ADAM29: variants seen among roughly 807,000 people sequenced by gnomAD.
ADAM29 encodes ADAM metallopeptidase domain 29.
For missense variants in ADAM29, 969 were observed against 1,001.8 expected (o/e 0.97, Z 0.44); for synonymous variants, 367 against 342.3 (o/e 1.07, Z -0.80).
chr4:174,921,442 A>G (rs1743159693), intron 2 of ADAM29, among the ~76,000 whole-genome samples: 1 of 152,168 alleles, frequency 6.6e-6, no homozygotes, highest in Admixed American at 6.6e-5. Flanking sequence ...GCATGGTGCC[A>G]AAGAATTATA....
intron 4 of ADAM29, 60 bp downstream of exon 4, chr4:174,937,073 T>C (rs1744245992): frequency 6.6e-6 from 1 of 152,014 alleles, no homozygotes; most frequent in Non-Finnish European, 1.5e-5. Flanking sequence ...TCTATCACAA[T>C]AAAACACACA....
intron 2 of ADAM29, among the ~76,000 whole-genome samples, chr4:174,925,472 T>A (rs1743463903): frequency 6.6e-6 from 1 of 152,156 alleles, no homozygotes; most frequent in African/African-American, 2.4e-5. Flanking sequence ...CATGCCTCCA[T>A]GGCTAAGACA....
At chr4:174,919,402 T>G (rs1578994330) in intron 1 of ADAM29, among the ~76,000 whole-genome samples, 1 of 152,218 alleles carries the variant, frequency 6.6e-6, no homozygotes, top group South Asian at 2.1e-4. Flanking sequence ...TAGCACAGAG[T>G]TAGGCGCAAA....
Position 174,975,958 on chromosome 4 carries a change from T to C in ADAM29, c.433T>C (p.Phe145Leu), listed in dbSNP as rs753394836. ...CAAGCCCCTAGCATTTTCTACCACG[T>C]TTGAACATCTGGTATACAAGATGGA... The part of the protein sequence containing the change: ...EIKPLAFSTT[F>L]EHLVYKMDSE... The change falls in exon 5 of 5, where the codon TTT becomes CTT. Residue 145 changes from phenylalanine (F) to leucine (L), a missense_variant. Physicochemically the swap from Phe to Leu is conservative, Grantham distance 22. Coordinates refer to ENST00000359240, the MANE Select transcript of ADAM29 (RefSeq NM_014269.4). 6.2e-7 allele frequency: 1 copy of C among 1,614,084 alleles called. No homozygotes were observed. The highest frequency in any genetic ancestry group is 8.5e-7 in the Non-Finnish European group (1 of 1,179,996).
At chr4:174,945,460 T>C (rs1016646677) in intron 4 of ADAM29, among the ~76,000 whole-genome samples, 4 of 152,186 alleles carry the variant, frequency 2.6e-5, no homozygotes, top group Admixed American at 2.6e-4. Flanking sequence ...AAAAATTTAC[T>C]TTGTTGATAG....
At chr4:174,948,412 C>T (rs139719261) in intron 4 of ADAM29, among the ~76,000 whole-genome samples, 5 of 152,170 alleles carry the variant, frequency 3.3e-5, no homozygotes, top group African/African-American at 7.2e-5. Flanking sequence ...ACTTCACTTC[C>T]GGAGGATTTT....
chr4:174,941,853 TA>T (rs111490877), intron 4 of ADAM29, among the ~76,000 whole-genome samples: 14 of 151,756 alleles, frequency 9.2e-5, no homozygotes, highest in African/African-American at 3.1e-4. Context: ...TCACCTGTGA[TA>T]AAAAAAAGTC....
In ADAM29 at chr4:174,976,119, G is replaced by C; in HGVS notation, c.594G>C (p.Arg198Ser). ...SSYVGWWIHF[R>S]IVEIVVVIDN... ...ATGTGGGCTGGTGGATCCATTTTAG[G>C]ATTGTTGAAATTGTAGTCGTCATTG... The change falls in exon 5 of 5, where the codon AGG (arginine) becomes AGC (serine). Residue 198 changes from arginine to serine, a missense_variant. Transcript: ENST00000359240. 1 of 1,613,086 alleles carries C rather than the reference G, an allele frequency of 6.2e-7. No homozygotes were observed. Among genetic ancestry groups the C allele is most frequent in the Admixed American group, 1.7e-5 (1 of 59,948 alleles).
intron 3 of ADAM29, among the ~76,000 whole-genome samples, chr4:174,931,838 G>A (rs201207302): frequency 9.6e-5 from 14 of 146,544 alleles, no homozygotes; most frequent in East Asian, 6.7e-4. Flanking sequence ...ACACACACAA[G>A]CACACATACA....
chr4:174,974,792 A>C (rs900979114), intron 4 of ADAM29, among the ~76,000 whole-genome samples: 3 of 152,224 alleles, frequency 2.0e-5, no homozygotes, highest in Non-Finnish European at 1.5e-5. Context: ...GAGAAGAGGA[A>C]GTTAGCGAAG....
chr4:174,955,626 G>T (rs1357015774), intron 4 of ADAM29, among the ~76,000 whole-genome samples: 1 of 150,638 alleles, frequency 6.6e-6, no homozygotes, highest in Non-Finnish European at 1.5e-5. Flanking sequence ...CTCAAAATTT[G>T]TTATGCATTG....
chr4:174,974,806 CAG>C (rs1251273600), intron 4 of ADAM29, among the ~76,000 whole-genome samples: 1 of 152,000 alleles, frequency 6.6e-6, no homozygotes, highest in East Asian at 1.9e-4. Context: ...AGCGAAGAAA[CAG>C]AAAATTAAAT....
chr4:174,935,302 C>G (rs2110948896), intron 3 of ADAM29, among the ~76,000 whole-genome samples: 1 of 152,002 alleles, frequency 6.6e-6, no homozygotes, highest in Admixed American at 6.6e-5. Flanking sequence ...AGGTACCTTC[C>G]CATGTGGAAT....
chr4:174,926,721 C>CA (rs34308315), intron 2 of ADAM29, among the ~76,000 whole-genome samples: 5,051 of 107,468 alleles, frequency 0.047, 234 homozygotes, highest in African/African-American at 0.12. Context: ...AGACCATGTC[C>CA]AAAAAAAAAA....
Position 174,975,982 on chromosome 4 carries a change from G to T in ADAM29, c.457G>T (p.Asp153Tyr), listed in dbSNP as rs746963631. 6.2e-7 allele frequency: 1 copy of T among 1,613,976 alleles called. No homozygotes were observed. Among genetic ancestry groups the T allele is most frequent in the Non-Finnish European group, 8.5e-7 (1 of 1,180,002 alleles). Residue 153 changes from aspartate (D) to tyrosine (Y), a missense_variant, in exon 5 of 5, where the codon GAC (aspartate) becomes TAC (tyrosine). By Grantham distance (160) the Asp-to-Tyr change is radical (BLOSUM62 -3). Coordinates refer to ENST00000359240, the MANE Select transcript of ADAM29 (RefSeq NM_014269.4). ...GTTTGAACATCTGGTATACAAGATG[G>T]ACAGTGAGGAGAAACAATTTTCAAC... is the stretch of plus-strand genomic sequence containing the variant. The part of the protein sequence containing the change: ...TTFEHLVYKM[D>Y]SEEKQFSTMR...
At chr4:174,960,640 A>C (rs985873986) in intron 4 of ADAM29, among the ~76,000 whole-genome samples, 7 of 152,140 alleles carry the variant, frequency 4.6e-5, no homozygotes, top group Non-Finnish European at 1.0e-4. Flanking sequence ...AGACATGCTA[A>C]AATTTCCACG....
chr4:174,966,938 T>C (rs1746190288), intron 4 of ADAM29, among the ~76,000 whole-genome samples: 1 of 152,242 alleles, frequency 6.6e-6, no homozygotes, highest in African/African-American at 2.4e-5. Flanking sequence ...AAACTGGTAG[T>C]GTGCCTGCTC....
chr4:174,974,799 G>A (rs1047872800), intron 4 of ADAM29, among the ~76,000 whole-genome samples: 4 of 152,054 alleles, frequency 2.6e-5, no homozygotes, highest in Admixed American at 6.5e-5. Flanking sequence ...GGAAGTTAGC[G>A]AAGAAACAGA....
Position 174,976,119 on chromosome 4 carries a change from G to T in ADAM29, c.594G>T (p.Arg198Ser). 6.2e-7 allele frequency: 1 copy of T among 1,613,086 alleles called. No individual in the cohort carries two copies. The highest frequency in any genetic ancestry group is 1.1e-5 in the South Asian group (1 of 90,868). The stretch of plus-strand genomic sequence containing the variant: ...ATGTGGGCTGGTGGATCCATTTTAG[G>T]ATTGTTGAAATTGTAGTCGTCATTG... ...SSYVGWWIHF[R>S]IVEIVVVIDN... Residue 198 changes from arginine to serine, a missense_variant, in exon 5 of 5, where the codon AGG (arginine) becomes AGT (serine). Transcript: ENST00000359240.
Sources: gnomAD v4.1 joint callset for allele counts (sites outside exome capture counted in the v4.1 genomes callset) on GRCh38, gnomAD v4.1.1 for gene constraint, MANE v1.5 for transcripts, NCBI Gene and HGNC (gene_info 2026-07-23, HGNC 2026-07-21) for gene names.